NAT10: variants seen among roughly 807,000 people sequenced by gnomAD.
The protein encoded by NAT10 is RNA cytidine acetyltransferase.
A neutral mutation model predicts 132.2 loss-of-function variants in NAT10; 109 were observed. That is an observed-to-expected ratio of 0.82 (90% CI 0.71 to 0.97). The LOEUF (loss-of-function observed/expected upper bound fraction) is 0.97, where lower values mean the gene tolerates loss of function less well. Among genes scored for constraint, NAT10 ranks in the 50% least tolerant of loss-of-function variants. NAT10 has a pLI of 0.00. For missense variants in NAT10, 1,184 were observed against 1,263.4 expected, an observed-to-expected ratio of 0.94 and a Z score of 0.95; for synonymous variants, 479 against 478.0, an observed-to-expected ratio of 1.00 and a Z score of -0.03.
chr11:34,111,037 G>C (rs1851685733), intron 3 of NAT10, among the ~76,000 whole-genome samples: 1 of 152,204 alleles, frequency 6.6e-6, no homozygotes. Context: ...AGAATTTTAA[G>C]TTTTTAGGGC....
Position 34,137,043 on chromosome 11 carries a change from G to T in NAT10, c.2211+17G>T. On this transcript the variant is annotated intron_variant, in intron 21 of 28. Coordinates refer to ENST00000257829, the MANE Select transcript of NAT10 (RefSeq NM_024662.3). ...CAGACCCCGGTGAGTGAGGCATCCA[G>T]CAGAGGAGAAGTTTAGGTTTACCGT... The T allele has an allele frequency of 6.2e-7, 1 of 1,614,112 alleles. No individual in the cohort carries two copies. Among genetic ancestry groups the T allele is most frequent in the Non-Finnish European group, 8.5e-7 (1 of 1,179,958 alleles).
chr11:34,134,506 A>C lies in NAT10; in HGVS notation c.1837-6A>C. On this transcript the variant is annotated splice_polypyrimidine_tract_variant and splice_region_variant and intron_variant, in intron 17 of 28. Coordinates refer to ENST00000257829, the MANE Select transcript of NAT10 (RefSeq NM_024662.3). ...GCTAAGTTACTGGTTTGTGTCTCCC[A>C]CACAGTTCCAAGATCCAGACTTTGG... The C allele has an allele frequency of 6.2e-7, 1 of 1,614,180 alleles. No homozygotes were observed. The highest frequency in any genetic ancestry group is 8.5e-7 in the Non-Finnish European group (1 of 1,180,016).
At chr11:34,145,071 A>G (rs1852414530) in intron 28 of NAT10, among the ~76,000 whole-genome samples, 1 of 152,210 alleles carries the variant, frequency 6.6e-6, no homozygotes. Context: ...CAGTATGGCA[A>G]ATGTAGCACA....
intron 15 of NAT10, among the ~76,000 whole-genome samples, chr11:34,132,668 G>C (rs1852126575): frequency 6.6e-6 from 1 of 152,174 alleles, no homozygotes; most frequent in African/African-American, 2.4e-5. Flanking sequence ...TTTAATGGAA[G>C]GCTTGAAGAG....
At chr11:34,140,656 A>C in intron 24 of NAT10, 84 bp downstream of exon 24, 1 of 1,450,094 alleles carries the variant, frequency 6.9e-7, no homozygotes, top group Non-Finnish European at 9.4e-7. Context: ...GCACTTGGAC[A>C]TAATTGTGTG....
chr11:34,121,918 GT>G (rs1465014500), intron 8 of NAT10, among the ~76,000 whole-genome samples: 1 of 146,752 alleles, frequency 6.8e-6, no homozygotes, highest in African/African-American at 2.5e-5. Context: ...GCTCACCCCT[GT>G]AATCCCAGCA....
intron 8 of NAT10, among the ~76,000 whole-genome samples, chr11:34,120,118 TTTG>T (rs144485614): frequency 0.1 from 15,340 of 147,370 alleles, 933 homozygotes; most frequent in African/African-American, 0.15. Flanking sequence ...CATCTGTTGT[TTTG>T]TTGTTGTTGT....
At chr11:34,139,656 C>A in intron 23 of NAT10, 161 bp downstream of exon 23, 1 of 625,558 alleles carries the variant, frequency 1.6e-6, no homozygotes, top group East Asian at 2.7e-5. Flanking sequence ...TGCTCTGTCC[C>A]AGGCTGTGCT....
intron 4 of NAT10, 120 bp from the exon 5 acceptor site, chr11:34,113,596 C>T (rs542003872): frequency 4.8e-6 from 6 of 1,244,566 alleles, no homozygotes; most frequent in Admixed American, 2.7e-5. Context: ...AAGATTGCGC[C>T]ACTGCACTCC....
chr11:34,136,954 C>T, intron 20 of NAT10, 24 bp from the exon 21 acceptor site: 1 of 1,614,172 alleles, frequency 6.2e-7, no homozygotes, highest in Non-Finnish European at 8.5e-7. Flanking sequence ...CACACAGTGA[C>T]CTACTGTCTT....
chr11:34,140,748 T>C (rs1852311886), intron 24 of NAT10, among the ~76,000 whole-genome samples, 176 bp downstream of exon 24: 1 of 152,098 alleles, frequency 6.6e-6, no homozygotes, highest in South Asian at 2.1e-4. Flanking sequence ...TGAAGTCGAG[T>C]AATGTGTCCA....
At chr11:34,128,376 A>G (rs1852041948) in intron 12 of NAT10, among the ~76,000 whole-genome samples, 1 of 152,132 alleles carries the variant, frequency 6.6e-6, no homozygotes, top group South Asian at 2.1e-4. Context: ...AAAAAAAAAA[A>G]AAGAAAAATC....
intron 27 of NAT10, 45 bp from the exon 28 acceptor site, chr11:34,143,400 C>A (rs781107055): frequency 1.3e-6 from 2 of 1,532,326 alleles, no homozygotes; most frequent in South Asian, 2.3e-5. Flanking sequence ...TAAGCAGTCC[C>A]CTCTTCTTTC....
intron 21 of NAT10, 24 bp downstream of exon 21, chr11:34,137,050 A>G: frequency 6.2e-7 from 1 of 1,613,886 alleles, no homozygotes; most frequent in South Asian, 1.1e-5. Context: ...CCAGCAGAGG[A>G]GAAGTTTAGG....
In NAT10 at chr11:34,124,323, A is replaced by G. The variant is rs765762293; in HGVS notation, c.1030A>G (p.Ile344Val). The change falls in exon 11 of 29, where the codon ATC becomes GTC. Residue 344 changes from isoleucine (I) to valine (V), a missense_variant. Coordinates refer to ENST00000257829, the MANE Select transcript of NAT10 (RefSeq NM_024662.3). ...CCAGGAACATCTGGATTATGAGATT[A>G]TCCAGTCTCTAAATCCTGAATTTAA... Reference protein sequence around the residue: ...QYQEHLDYEIIQSLNPEFNKA... With the variant: ...QYQEHLDYEIVQSLNPEFNKA... 1.4e-5 allele frequency: 23 copies of G among 1,613,196 alleles called. No homozygotes were observed. In the South Asian group the frequency reaches 2.4e-4, roughly 17 times the overall value.
At chr11:34,134,636 G>T (rs755377350) in intron 18 of NAT10, 50 bp downstream of exon 18, 2 of 1,582,608 alleles carry the variant, frequency 1.3e-6, no homozygotes, top group Non-Finnish European at 1.7e-6. Flanking sequence ...CGGTGCTTTA[G>T]GGTGGGGGTA....
chr11:34,131,685 T>C (rs1852108175), intron 14 of NAT10, among the ~76,000 whole-genome samples, 154 bp downstream of exon 14: 1 of 148,342 alleles, frequency 6.7e-6, no homozygotes, highest in Non-Finnish European at 1.5e-5. Flanking sequence ...TTTTTTTTTT[T>C]CTTTCTTTTT....
At chr11:34,115,385 A>C (rs1851767089) in intron 5 of NAT10, among the ~76,000 whole-genome samples, 1 of 151,962 alleles carries the variant, frequency 6.6e-6, no homozygotes, top group South Asian at 2.1e-4. Flanking sequence ...CTCCCTCACT[A>C]CCCTACATAA....
chr11:34,122,270 G>T (rs995717274), intron 8 of NAT10, among the ~76,000 whole-genome samples, 189 bp from the exon 9 acceptor site: 2 of 152,146 alleles, frequency 1.3e-5, no homozygotes, highest in African/African-American at 4.8e-5. Context: ...GGTACCAAAG[G>T]CCTTGAGACT....
Sources: allele counts gnomAD v4.1 joint callset (sites outside exome capture counted in the v4.1 genomes callset), GRCh38; gene constraint gnomAD v4.1.1; transcripts MANE v1.5; gene names NCBI Gene and HGNC (gene_info 2026-07-23, HGNC 2026-07-21).